SPACA3: variants seen among roughly 807,000 people sequenced by gnomAD.
SPACA3 encodes the protein sperm acrosome membrane-associated protein 3.
A neutral mutation model predicts 24.5 loss-of-function variants in SPACA3; 21 were observed. The ratio of observed to expected loss-of-function variants is 0.86; its 90% CI spans 0.61 to 1.24. The LOEUF is 1.24. Among genes scored for constraint, SPACA3 ranks in the 50% most tolerant of loss-of-function variants. The pLI is 0.00. For synonymous variants in SPACA3, 115 were observed against 106.9 expected (o/e 1.08, Z -0.47); for missense variants, 278 against 275.5 (o/e 1.01, Z -0.06).
intron 2 of SPACA3, 158 bp from the exon 3 acceptor site, chr17:32,996,685 T>A: frequency 1.5e-6 from 1 of 668,366 alleles, no homozygotes; most frequent in Non-Finnish European, 2.1e-6. Context: ...TAAGCCTCGA[T>A]TGATTGGTTT....
At chr17:32,997,121 C>T in intron 3 of SPACA3, 120 bp downstream of exon 3, 1 of 1,204,556 alleles carries the variant, frequency 8.3e-7, no homozygotes, top group Non-Finnish European at 1.1e-6. Flanking sequence ...CAGGCTGGGC[C>T]CACGGAGGAG....
chr17:32,997,377 TCACACACA>T, intron 3 of SPACA3, 60 bp from the exon 4 acceptor site: 1 of 936,966 alleles, frequency 1.1e-6, no homozygotes, highest in Non-Finnish European at 1.6e-6. Context: ...AGATACACAC[TCACACACA>T]CACACACACA....
rs769054678 is a variant in SPACA3 at position 32,991,930 on chromosome 17, A to G, written c.-9A>G. On this transcript the variant is annotated 5_prime_UTR_variant, in exon 1 of 5. Coordinates refer to ENST00000269053, the MANE Select transcript of SPACA3 (RefSeq NM_173847.5). ...GTTTTGAGCCACTGCTGCTGCTGCC[A>G]TTGTCACCATGGTCTCAGCTCTGCG... The G allele has an allele frequency of 6.2e-7, 1 of 1,609,576 alleles. No individual in the cohort carries two copies. Among genetic ancestry groups the G allele is most frequent in the South Asian group, 1.1e-5 (1 of 90,980 alleles).
chr17:32,997,310 G>GGA (rs373760077), intron 3 of SPACA3, 135 bp from the exon 4 acceptor site: 55 of 660,000 alleles, frequency 8.3e-5, no homozygotes, highest in Non-Finnish European at 1.0e-4. Flanking sequence ...TTAGGCGAGT[G>GGA]GAGTGTGTGT....
intron 2 of SPACA3, 85 bp from the exon 3 acceptor site, chr17:32,996,758 C>A: frequency 1.5e-6 from 2 of 1,346,040 alleles, no homozygotes; most frequent in Admixed American, 6.0e-5. Context: ...CTCGGTGGAG[C>A]CAGCGTGGGA....
intron 1 of SPACA3, chr17:32,992,884 C>G (rs2091698475): frequency 1.7e-5 from 8 of 470,828 alleles, no homozygotes; most frequent in South Asian, 1.2e-4. Context: ...TGGGAGCCAT[C>G]CAAGGTGTCA....
At chr17:32,994,924 C>T (rs952861116) in intron 1 of SPACA3, among the ~76,000 whole-genome samples, 13 of 152,240 alleles carry the variant, frequency 8.5e-5, no homozygotes, top group East Asian at 3.9e-4. Flanking sequence ...AGGAGACTCT[C>T]GGGACATCTT....
chr17:32,992,717 A>G, intron 1 of SPACA3: 2 of 368,170 alleles, frequency 5.4e-6, no homozygotes, highest in South Asian at 4.1e-5. Context: ...TTAACCATGT[A>G]GAGGAAAGGA....
chr17:32,993,267 A>C (rs933360000), intron 1 of SPACA3, among the ~76,000 whole-genome samples: 2 of 152,198 alleles, frequency 1.3e-5, no homozygotes, highest in African/African-American at 2.4e-5. Flanking sequence ...TTCAAGTGGA[A>C]GTGTCCTGCC....
At chr17:32,994,063 T>C (rs1245791656) in intron 1 of SPACA3, among the ~76,000 whole-genome samples, 1 of 152,076 alleles carries the variant, frequency 6.6e-6, no homozygotes, top group Non-Finnish European at 1.5e-5. Context: ...CTTGCTTTTC[T>C]TAGTGCAGCA....
intron 1 of SPACA3, among the ~76,000 whole-genome samples, chr17:32,994,398 G>A (rs2091709819): frequency 6.6e-6 from 1 of 152,212 alleles, no homozygotes; most frequent in Admixed American, 6.5e-5. Context: ...AGGAGCAGAG[G>A]GGGGCTTCCA....
At chr17:32,994,311 G>A (rs1185932297) in intron 1 of SPACA3, among the ~76,000 whole-genome samples, 5 of 152,098 alleles carry the variant, frequency 3.3e-5, no homozygotes, top group Non-Finnish European at 7.3e-5. Flanking sequence ...AATCATATGA[G>A]GCAGGTGTTA....
In SPACA3 at chr17:32,995,587, G is replaced by A. The variant is rs778761646; in HGVS notation, c.213G>A (p.Leu71=). 331 of 1,614,114 alleles carry A rather than the reference G, an allele frequency of 2.1e-4. No individual in the cohort carries two copies. The highest frequency in any genetic ancestry group is 2.0e-4 in the Non-Finnish European group (233 of 1,180,058). ...RRRWCPAGIM[L]LALVCLLSCL... ...GGTGGTGCCCAGCTGGGATCATGTT[G>A]TTGGCCCTGGTCTGTCTGCTCAGCT... Residue 71 remains leucine (L), a synonymous_variant, in exon 2 of 5, where the codon TTG becomes TTA. Coordinates refer to ENST00000269053, the MANE Select transcript of SPACA3 (RefSeq NM_173847.5).
intron 1 of SPACA3, among the ~76,000 whole-genome samples, chr17:32,992,333 G>A (rs73273903): frequency 0.012 from 1,781 of 152,186 alleles, 33 homozygotes; most frequent in African/African-American, 0.041. Flanking sequence ...TCTGGGAAAG[G>A]CCTGGCACAG....
chr17:32,997,724 G>A lies in SPACA3; in HGVS notation c.594G>A (p.Arg198=). 1 of 1,614,178 alleles carries A rather than the reference G, an allele frequency of 6.2e-7. No individual in the cohort carries two copies. The change falls in exon 5 of 5, where the codon AGG becomes AGA. Residue 198 remains arginine, a synonymous_variant. Transcript: ENST00000269053. The stretch of plus-strand genomic sequence containing the variant: ...TCTCCATCCTCAGGGAGGCCTGGAG[G>A]CATCACTGCCAGGGAAAAGACCTCA... ...PQGLGYWEAW[R]HHCQGKDLTE... is the part of the protein sequence containing the mutation.
rs750618615 is a variant in SPACA3, at chr17:32,995,440, TGTGA to T, written c.70_73del (p.Ser24AspfsTer6). ...ACTCAAGCCCTGTTTCTTCTCCTTC[TGTGA>T]GTGGACCACGGAGGCTGGTGAGCTG... On this transcript the variant is annotated frameshift_variant, in exon 2 of 5. Coordinates refer to ENST00000269053, the MANE Select transcript of SPACA3 (RefSeq NM_173847.5). LOFTEE classifies it high-confidence loss of function. 1.2e-6 allele frequency: 2 copies of T among 1,610,800 alleles called. No individual in the cohort carries two copies.
intron 3 of SPACA3, 49 bp downstream of exon 3, chr17:32,997,050 C>G: frequency 3.4e-6 from 5 of 1,469,640 alleles, no homozygotes; most frequent in Non-Finnish European, 4.5e-6. Flanking sequence ...CCTGCATTAG[C>G]TTTTGTTCCA....
At chr17:32,995,823 A>G in intron 2 of SPACA3, 106 bp downstream of exon 2, 1 of 1,283,342 alleles carries the variant, frequency 7.8e-7, no homozygotes, top group African/African-American at 1.5e-5. Flanking sequence ...GAGCTTTTAG[A>G]GCCCTTCTGT....
In SPACA3 at chr17:32,991,980, C is replaced by T; in HGVS notation, c.34+8C>T. 1 of 1,613,662 alleles carries T rather than the reference C, an allele frequency of 6.2e-7. No individual in the cohort carries two copies. The highest frequency in any genetic ancestry group is 8.5e-7 in the Non-Finnish European group (1 of 1,179,926). ...GGGGAGCACCCCTGATCAGTGAGCC[C>T]CCTTTCCCTTCTTCCTGGGGCTGTT... On this transcript the variant is annotated splice_region_variant and intron_variant, in intron 1 of 4. Coordinates refer to ENST00000269053, the MANE Select transcript of SPACA3 (RefSeq NM_173847.5).
Sources: gnomAD v4.1 joint callset for allele counts (sites outside exome capture counted in the v4.1 genomes callset) on GRCh38, gnomAD v4.1.1 for gene constraint, MANE v1.5 for transcripts, NCBI Gene and HGNC (gene_info 2026-07-23, HGNC 2026-07-21) for gene names.